ROBO2: variants seen among roughly 807,000 people sequenced by gnomAD.
The protein encoded by ROBO2 is roundabout guidance receptor 2, also known as roundabout homolog 2.
A neutral mutation model predicts 160.8 loss-of-function variants in ROBO2; 53 were observed. The ratio of observed to expected loss-of-function variants is 0.33; its 90% CI spans 0.26 to 0.41. The LOEUF is 0.41. ROBO2 is among the 10% of genes least tolerant of loss of function. The pLI, the probability that ROBO2 is intolerant of heterozygous loss-of-function variation, is 1.00. For synonymous variants in ROBO2, 664 were observed against 611.7 expected (o/e 1.09, Z -1.26); for missense variants, 1,577 against 1,722.4 (o/e 0.92, Z 1.49).
chr3:77,467,665 C>T (rs187056885), intron 2 of ROBO2, among the ~76,000 whole-genome samples: 24 of 151,746 alleles, frequency 1.6e-4, no homozygotes, highest in Admixed American at 1.4e-3. Context: ...TATACCCAAA[C>T]CCAGATCTAA....
At chr3:76,510,288 G>T (rs1181446644) in intron 2 of ROBO2, among the ~76,000 whole-genome samples, 3 of 152,274 alleles carry the variant, frequency 2.0e-5, no homozygotes, top group African/African-American at 7.2e-5. Context: ...CACAAAATCA[G>T]GCTGCTGGAG....
intron 2 of ROBO2, among the ~76,000 whole-genome samples, chr3:76,115,721 A>C (rs1346099627): frequency 6.6e-6 from 1 of 152,144 alleles, no homozygotes; most frequent in East Asian, 1.9e-4. Context: ...TCTTTGGAGC[A>C]TTAGCCATAA....
chr3:76,978,115 T>C (rs1218233879), intron 2 of ROBO2, among the ~76,000 whole-genome samples: 1 of 152,174 alleles, frequency 6.6e-6, no homozygotes, highest in East Asian at 1.9e-4. Flanking sequence ...AGTTATTTTT[T>C]AAACTATGTT....
chr3:76,489,677 AAAATAATTGTATTAAATG>A (rs2079707640), intron 2 of ROBO2, among the ~76,000 whole-genome samples: 1 of 152,170 alleles, frequency 6.6e-6, no homozygotes, highest in African/African-American at 2.4e-5. Context: ...TACTTTGAGC[AAAATAATTGTATTAAATG>A]ATAATTTTTA....
chr3:76,952,295 T>A (rs147937552), intron 2 of ROBO2, among the ~76,000 whole-genome samples: 268 of 152,316 alleles, frequency 1.8e-3, no homozygotes, highest in Middle Eastern at 0.01. Flanking sequence ...TTTTATTTTT[T>A]TTTTGAGACA....
At chr3:76,872,706 G>A (rs1252586863) in intron 2 of ROBO2, among the ~76,000 whole-genome samples, 1 of 151,882 alleles carries the variant, frequency 6.6e-6, no homozygotes, top group Non-Finnish European at 1.5e-5. Context: ...AAATATGAAT[G>A]AAGTGCATTT....
intron 2 of ROBO2, among the ~76,000 whole-genome samples, chr3:77,372,746 G>T (rs1331283427): frequency 3.3e-5 from 5 of 151,990 alleles, no homozygotes; most frequent in African/African-American, 1.2e-4. Flanking sequence ...TTTTAGTTTG[G>T]GTGAAAACTG....
chr3:76,008,155 A>G (rs2066077955), intron 2 of ROBO2, among the ~76,000 whole-genome samples: 1 of 148,572 alleles, frequency 6.7e-6, no homozygotes, highest in Non-Finnish European at 1.5e-5. Context: ...GAATTGCTCG[A>G]ACCTGGGAGG....
At chr3:76,567,241 T>C (rs537123387) in intron 2 of ROBO2, among the ~76,000 whole-genome samples, 41 of 152,258 alleles carry the variant, frequency 2.7e-4, no homozygotes, top group African/African-American at 9.1e-4. Flanking sequence ...AATGGCATGA[T>C]TGTGTATTCA....
chr3:76,658,840 A>G (rs1054926281), intron 2 of ROBO2, among the ~76,000 whole-genome samples: 4 of 152,072 alleles, frequency 2.6e-5, no homozygotes, highest in African/African-American at 9.7e-5. Flanking sequence ...TCATGCTAGG[A>G]TATATTATAC....
intron 2 of ROBO2, among the ~76,000 whole-genome samples, chr3:76,861,497 G>A (rs3883942): frequency 0.16 from 23,650 of 152,004 alleles, 2,185 homozygotes; most frequent in East Asian, 0.36. Flanking sequence ...TTTACCCACA[G>A]TCTAGAAATG....
intron 2 of ROBO2, among the ~76,000 whole-genome samples, chr3:76,217,623 A>G (rs1309052680): frequency 6.6e-6 from 1 of 152,226 alleles, no homozygotes; most frequent in Non-Finnish European, 1.5e-5. Context: ...GAAGAAGTTG[A>G]ATCTCTGAAT....
intron 2 of ROBO2, among the ~76,000 whole-genome samples, chr3:77,416,680 G>A (rs2077251869): frequency 7.3e-6 from 1 of 136,898 alleles, no homozygotes; most frequent in African/African-American, 2.8e-5. Flanking sequence ...TCATGCCACT[G>A]CACTCTAGCA....
chr3:75,961,863 A>G (rs1948925287), intron 2 of ROBO2, among the ~76,000 whole-genome samples: 1 of 151,490 alleles, frequency 6.6e-6, no homozygotes, highest in Non-Finnish European at 1.5e-5. Context: ...GGAAAGAAAT[A>G]TGTCAGCAAA....
At chr3:76,579,803 AAG>A (rs1425605806) in intron 2 of ROBO2, among the ~76,000 whole-genome samples, 209 of 150,848 alleles carry the variant, frequency 1.4e-3, no homozygotes, top group African/African-American at 4.9e-3. Flanking sequence ...AAAAAAAAAA[AAG>A]AAAGAAAGAA....
intron 2 of ROBO2, among the ~76,000 whole-genome samples, chr3:76,161,561 G>C (rs939080226): frequency 7.9e-5 from 12 of 152,040 alleles, no homozygotes; most frequent in African/African-American, 2.9e-4. Context: ...TGCTCTCAGG[G>C]TCATTAGAGA....
chr3:76,759,762 G>T (rs988777042), intron 2 of ROBO2, among the ~76,000 whole-genome samples: 2 of 151,768 alleles, frequency 1.3e-5, no homozygotes, highest in African/African-American at 4.8e-5. Flanking sequence ...GTTGATCTTT[G>T]TGGTAACTAT....
intron 2 of ROBO2, among the ~76,000 whole-genome samples, chr3:77,205,132 A>C (rs1157388131): frequency 1.3e-5 from 2 of 152,174 alleles, no homozygotes; most frequent in Non-Finnish European, 2.9e-5. Flanking sequence ...TAACCAGCTC[A>C]GTGGAACCAT....
chr3:76,390,916 G>A (rs1053235683), intron 2 of ROBO2, among the ~76,000 whole-genome samples: 7 of 152,122 alleles, frequency 4.6e-5, no homozygotes, highest in African/African-American at 1.7e-4. Context: ...AACAGAGACA[G>A]TGAAGTGTAC....
Sources: allele counts gnomAD v4.1 joint callset (sites outside exome capture counted in the v4.1 genomes callset), GRCh38; gene constraint gnomAD v4.1.1; transcripts MANE v1.5; gene names NCBI Gene and HGNC (gene_info 2026-07-23, HGNC 2026-07-21).